GUCY2C: variants seen among roughly 807,000 people sequenced by gnomAD.
GUCY2C encodes guanylate cyclase 2C.
GUCY2C carries 118 observed loss-of-function variants against 131.1 expected under a neutral mutation model. The observed-to-expected ratio is 0.90, with a 90% CI of 0.78 to 1.05. The LOEUF (loss-of-function observed/expected upper bound fraction) is 1.05. Ranked by LOEUF, GUCY2C falls within the 50% of genes least tolerant of loss-of-function variation. The probability of loss-of-function intolerance (pLI) is 0.00; values close to 1 mark genes in which losing one functional copy is unlikely to be tolerated. For synonymous variants in GUCY2C, 452 were observed against 457.8 expected (o/e 0.99, Z 0.16); for missense variants, 1,161 against 1,304.4 (o/e 0.89, Z 1.69).
At chr12:14,637,622 G>C (rs1466630745) in intron 19 of GUCY2C, among the ~76,000 whole-genome samples, 1 of 152,038 alleles carries the variant, frequency 6.6e-6, no homozygotes, top group African/African-American at 2.4e-5. Context: ...AGAGAACCCA[G>C]AAATAAATCC....
At chr12:14,669,126 T>G (rs1948045976) in intron 10 of GUCY2C, among the ~76,000 whole-genome samples, 1 of 152,236 alleles carries the variant, frequency 6.6e-6, no homozygotes, top group Non-Finnish European at 1.5e-5. Flanking sequence ...GAATAATTTA[T>G]GTCAAATGGT....
At chr12:14,642,281 G>T (rs939059794) in intron 17 of GUCY2C, among the ~76,000 whole-genome samples, 1 of 152,118 alleles carries the variant, frequency 6.6e-6, no homozygotes, top group African/African-American at 2.4e-5. Flanking sequence ...AGCTCCTATA[G>T]ATACTCGAGT....
chr12:14,645,405 T>G (rs1407282617), intron 15 of GUCY2C, 90 bp from the exon 16 acceptor site: 2 of 658,506 alleles, frequency 3.0e-6, no homozygotes, highest in Non-Finnish European at 5.4e-6. Flanking sequence ...ATCTTCAAAT[T>G]ATGAAACCTT....
chr12:14,639,832 A>G, intron 19 of GUCY2C, 30 bp downstream of exon 19: 1 of 1,300,460 alleles, frequency 7.7e-7, no homozygotes, highest in South Asian at 1.2e-5. Context: ...ATAGCAGGCC[A>G]AGGAAATGAA....
At chr12:14,635,579 G>A (rs573825413) in intron 19 of GUCY2C, among the ~76,000 whole-genome samples, 16 of 152,108 alleles carry the variant, frequency 1.1e-4, no homozygotes, top group East Asian at 7.7e-4. Context: ...CCCAAAGTTC[G>A]TAGAGGGAAA....
chr12:14,665,148 G>A (rs1362618851), intron 10 of GUCY2C, among the ~76,000 whole-genome samples: 6 of 151,406 alleles, frequency 4.0e-5, no homozygotes, highest in Admixed American at 3.9e-4. Flanking sequence ...CCTGGGAGGC[G>A]GAAGTTGCAG....
chr12:14,686,888 T>C (rs553283585), intron 2 of GUCY2C, among the ~76,000 whole-genome samples: 5 of 152,184 alleles, frequency 3.3e-5, no homozygotes, highest in South Asian at 2.1e-4. Context: ...CTGATGGGAG[T>C]GTGGCCTGCC....
chr12:14,625,741 G>T lies in GUCY2C; in HGVS notation c.2408+16C>A. 1 of 1,612,334 alleles carries T rather than the reference G, an allele frequency of 6.2e-7. No homozygotes were observed. Among genetic ancestry groups the T allele is most frequent in the Non-Finnish European group, 8.5e-7 (1 of 1,178,812 alleles). ...TAGAGGGATTTCAGCCTCCACATCA[G>T]CAAGGCTTGCCTTACCTTGGAAGCA... On this transcript the variant is annotated intron_variant, in intron 21 of 26. Coordinates refer to ENST00000261170, the MANE Select transcript of GUCY2C (RefSeq NM_004963.4).
chr12:14,664,206 G>A (rs1947923922), intron 10 of GUCY2C, among the ~76,000 whole-genome samples: 1 of 152,114 alleles, frequency 6.6e-6, no homozygotes, highest in Non-Finnish European at 1.5e-5. Flanking sequence ...CTTGCATTAT[G>A]GGCACATTTA....
Position 14,696,477 on chromosome 12 carries a change from T to G in GUCY2C, c.-29A>C. On this transcript the variant is annotated 5_prime_UTR_variant, in exon 1 of 27. Transcript: ENST00000261170. ...CCCAATCACGTTAGAACCATACTCC[T>G]TGTGCCCACTTGCTTTGCTCTGTTG... 3 of 1,554,340 alleles carry G rather than the reference T, an allele frequency of 1.9e-6. No homozygotes were observed. The highest frequency in any genetic ancestry group is 2.2e-5 in the East Asian group (1 of 44,506).
At chr12:14,653,239 G>C (rs1947702298) in intron 12 of GUCY2C, among the ~76,000 whole-genome samples, 1 of 152,146 alleles carries the variant, frequency 6.6e-6, no homozygotes, top group Non-Finnish European at 1.5e-5. Context: ...TTAGCTATGG[G>C]TTTCCTCCCT....
intron 13 of GUCY2C, among the ~76,000 whole-genome samples, chr12:14,652,283 T>G (rs1348274250): frequency 6.6e-6 from 1 of 152,164 alleles, no homozygotes; most frequent in Non-Finnish European, 1.5e-5. Context: ...CAAGCAATTC[T>G]CCTGCCTCAG....
chr12:14,627,345 G>A (rs2136992999), intron 20 of GUCY2C, among the ~76,000 whole-genome samples: 1 of 152,202 alleles, frequency 6.6e-6, no homozygotes, highest in Non-Finnish European at 1.5e-5. Flanking sequence ...AAAATTGCTA[G>A]GCTTGGAATG....
rs369775689 is a variant in GUCY2C at position 14,639,905 on chromosome 12, C to T, written c.2114G>A (p.Arg705His). Reference sequence around the variant, plus strand: ...TGCTGTTTCCAAGAATAAATCTGGGCGGAAGGGTTTCATTCCATTGGAATT... The same window carrying T: ...TGCTGTTTCCAAGAATAAATCTGGGTGGAAGGGTTTCATTCCATTGGAATT... ...VENSNGMKPF[R>H]PDLFLETAEE... Residue 705 changes from arginine to histidine, a missense_variant, in exon 19 of 27, where the codon CGC becomes CAC. Coordinates refer to ENST00000261170, the MANE Select transcript of GUCY2C (RefSeq NM_004963.4). 110 of 1,611,348 alleles carry T rather than the reference C, an allele frequency of 6.8e-5. 2 individuals are homozygous for T. The highest frequency in any genetic ancestry group is 3.3e-4 in the East Asian group (15 of 44,880).
Position 14,615,028 on chromosome 12 carries a change from G to A in GUCY2C, c.2971-85C>T, listed in dbSNP as rs183589636. The A allele has an allele frequency of 7.3e-5, 47 of 647,204 alleles. No individual in the cohort carries two copies. In the East Asian group the frequency reaches 1.3e-3, roughly 18 times the overall value. 40.1% of individuals were successfully genotyped at this position (647,204 alleles called of 1,614,324 possible). On this transcript the variant is annotated intron_variant, in intron 25 of 26. Coordinates refer to ENST00000261170, the MANE Select transcript of GUCY2C (RefSeq NM_004963.4). ...ACTGTTTCCATAATGATCTGTTTCT[G>A]TGACATGTTTCACTTCCGCATTTCT...
chr12:14,621,483 G>A (rs756540956), intron 22 of GUCY2C, among the ~76,000 whole-genome samples: 9 of 152,118 alleles, frequency 5.9e-5, no homozygotes, highest in Non-Finnish European at 1.0e-4. Context: ...TCCAGATGTG[G>A]TGACAGTTCT....
chr12:14,644,623 G>A (rs1287515867), intron 16 of GUCY2C, among the ~76,000 whole-genome samples: 1 of 151,958 alleles, frequency 6.6e-6, no homozygotes, highest in African/African-American at 2.4e-5. Context: ...GGTTACTGGT[G>A]TCCACTCTGT....
chr12:14,659,144 C>G (rs1947816404), intron 11 of GUCY2C, among the ~76,000 whole-genome samples: 1 of 151,800 alleles, frequency 6.6e-6, no homozygotes, highest in Admixed American at 6.6e-5. Context: ...CTCCCGGGTT[C>G]AAGATCTTCC....
chr12:14,684,602 TTCC>T (rs758082455), intron 3 of GUCY2C, among the ~76,000 whole-genome samples: 78,389 of 108,088 alleles, frequency 0.73, 27,827 homozygotes, highest in Non-Finnish European at 0.77. Context: ...CCTTCCTTCC[TTCC>T]TTCCTTCCTT....
Sources: gnomAD v4.1 joint callset for allele counts (sites outside exome capture counted in the v4.1 genomes callset) on GRCh38, gnomAD v4.1.1 for gene constraint, MANE v1.5 for transcripts, NCBI Gene and HGNC (gene_info 2026-07-23, HGNC 2026-07-21) for gene names.